ADGRL2: variants seen among roughly 807,000 people sequenced by gnomAD.
ADGRL2 encodes calcium-independent alpha-latrotoxin receptor 2.
In ADGRL2, 44 loss-of-function variants were observed where a neutral mutation model predicts 157.4. That is an observed-to-expected ratio of 0.28 (90% CI 0.22 to 0.36). The LOEUF (loss-of-function observed/expected upper bound fraction) is 0.36. ADGRL2 is among the 10% of genes least tolerant of loss of function. ADGRL2 has a pLI of 1.00. For missense variants in ADGRL2, 1,510 were observed against 1,768.9 expected (o/e 0.85, Z 2.63); for synonymous variants, 585 against 624.7 (o/e 0.94, Z 0.95).
chr1:81,389,289 A>G (rs1462032534), intron 1 of ADGRL2, among the ~76,000 whole-genome samples: 4 of 152,172 alleles, frequency 2.6e-5, no homozygotes, highest in African/African-American at 9.7e-5. Flanking sequence ...CTCTTTCCCA[A>G]TAGAGATTAC....
intron 2 of ADGRL2, among the ~76,000 whole-genome samples, chr1:81,865,532 A>G (rs1414300836): frequency 6.6e-6 from 1 of 152,180 alleles, no homozygotes; most frequent in African/African-American, 2.4e-5. Context: ...AATTGTCTCT[A>G]ATTCTTAATT....
intron 3 of ADGRL2, among the ~76,000 whole-genome samples, chr1:81,594,367 A>G (rs868769509): frequency 6.6e-6 from 1 of 152,224 alleles, no homozygotes; most frequent in Non-Finnish European, 1.5e-5. Flanking sequence ...TGAAGAATTC[A>G]AAGTGGAAAT....
intron 3 of ADGRL2, among the ~76,000 whole-genome samples, chr1:81,664,431 A>C (rs1045928201): frequency 1.3e-5 from 2 of 152,198 alleles, no homozygotes; most frequent in African/African-American, 4.8e-5. Flanking sequence ...GTTTCACCAT[A>C]ATAGTGTTGA....
chr1:81,938,450 A>ATCTT, intron 4 of ADGRL2, among the ~76,000 whole-genome samples: 1 of 151,762 alleles, frequency 6.6e-6, no homozygotes, highest in South Asian at 2.1e-4. Flanking sequence ...AGAAAGGAAA[A>ATCTT]TGTGGATATC....
At chr1:81,682,904 G>C (rs564540752) in intron 3 of ADGRL2, among the ~76,000 whole-genome samples, 1 of 152,290 alleles carries the variant, frequency 6.6e-6, no homozygotes, top group South Asian at 2.1e-4. Flanking sequence ...GGCCGAGGCG[G>C]GTGGATCACC....
intron 2 of ADGRL2, among the ~76,000 whole-genome samples, chr1:81,779,612 TC>T (rs1360195054): frequency 6.6e-6 from 1 of 152,210 alleles, no homozygotes; most frequent in African/African-American, 2.4e-5. Flanking sequence ...CCTTTTACTA[TC>T]TTTTGCATAT....
intron 3 of ADGRL2, among the ~76,000 whole-genome samples, chr1:81,694,466 A>G (rs1037887972): frequency 2.6e-5 from 4 of 152,048 alleles, no homozygotes; most frequent in African/African-American, 7.2e-5. Flanking sequence ...ATTAGTGATT[A>G]GCATTACTAT....
At chr1:81,733,825 G>T (rs2084806489) in intron 1 of ADGRL2, among the ~76,000 whole-genome samples, 1 of 152,128 alleles carries the variant, frequency 6.6e-6, no homozygotes. Flanking sequence ...AGACACTGGG[G>T]CTGACTTGAA....
intron 3 of ADGRL2, among the ~76,000 whole-genome samples, chr1:81,923,252 C>T (rs1391263485): frequency 1.3e-5 from 2 of 152,126 alleles, no homozygotes; most frequent in Non-Finnish European, 2.9e-5. Context: ...CATGAGACTC[C>T]TGCAGTGGTA....
At chr1:81,625,434 C>T (rs1312458922) in intron 3 of ADGRL2, among the ~76,000 whole-genome samples, 1 of 152,018 alleles carries the variant, frequency 6.6e-6, no homozygotes, top group Non-Finnish European at 1.5e-5. Flanking sequence ...ATTTTTCTTC[C>T]TTATATGTTT....
At chr1:81,477,893 C>A (rs983492127) in intron 2 of ADGRL2, among the ~76,000 whole-genome samples, 6 of 152,130 alleles carry the variant, frequency 3.9e-5, no homozygotes, top group Admixed American at 1.3e-4. Context: ...TGATCCATCA[C>A]TACGATGTCA....
intron 2 of ADGRL2, among the ~76,000 whole-genome samples, chr1:81,481,967 C>T (rs1017106296): frequency 2.0e-5 from 3 of 152,146 alleles, no homozygotes; most frequent in Non-Finnish European, 4.4e-5. Flanking sequence ...ACTCTATTGA[C>T]GTTTCTGACA....
At chr1:81,724,067 A>G (rs1011543067) in intron 1 of ADGRL2, among the ~76,000 whole-genome samples, 2 of 152,116 alleles carry the variant, frequency 1.3e-5, no homozygotes, top group African/African-American at 4.8e-5. Flanking sequence ...TTCCACCAGC[A>G]TCATCACTGT....
chr1:81,767,075 T>C (rs1294227912), intron 2 of ADGRL2, among the ~76,000 whole-genome samples: 1 of 152,122 alleles, frequency 6.6e-6, no homozygotes, highest in East Asian at 1.9e-4. Context: ...AATTGTTGTT[T>C]ATGTTTTGCA....
intron 2 of ADGRL2, among the ~76,000 whole-genome samples, chr1:81,485,186 A>T (rs1159075561): frequency 6.6e-6 from 1 of 152,026 alleles, no homozygotes; most frequent in Non-Finnish European, 1.5e-5. Context: ...ACAAAAAAAA[A>T]AAAAAAGTTT....
At chr1:81,897,785 A>G (rs770746641) in intron 2 of ADGRL2, among the ~76,000 whole-genome samples, 4 of 152,172 alleles carry the variant, frequency 2.6e-5, no homozygotes, top group Non-Finnish European at 5.9e-5. Context: ...TTCATTATGC[A>G]TGTATTTGTT....
intron 3 of ADGRL2, among the ~76,000 whole-genome samples, chr1:81,657,321 AG>A (rs563924950): frequency 1.4e-3 from 208 of 152,306 alleles, no homozygotes; most frequent in African/African-American, 3.7e-3. Context: ...GTGGACAAAT[AG>A]ATAGTGCCAT....
chr1:81,415,088 C>T (rs2077010992), intron 1 of ADGRL2, among the ~76,000 whole-genome samples: 1 of 152,200 alleles, frequency 6.6e-6, no homozygotes, highest in Non-Finnish European at 1.5e-5. Context: ...GTCAACCAAA[C>T]ACAAGGGATA....
chr1:81,873,232 TCTGTC>T (rs1416027396), intron 2 of ADGRL2, among the ~76,000 whole-genome samples: 6 of 152,144 alleles, frequency 3.9e-5, no homozygotes, highest in Middle Eastern at 3.4e-3. Context: ...CTGAAAATCT[TCTGTC>T]CTGTACTCTT....
Sources: allele counts gnomAD v4.1 joint callset (sites outside exome capture counted in the v4.1 genomes callset), GRCh38; gene constraint gnomAD v4.1.1; transcripts MANE v1.5; gene names NCBI Gene and HGNC (gene_info 2026-07-23, HGNC 2026-07-21).